Variants in FAM193B observed in about 807,000 individuals in gnomAD.
The protein encoded by FAM193B is family with sequence similarity 193 member B.
Under a neutral mutation model 70.7 loss-of-function variants are expected in FAM193B, and 27 were observed. The observed-to-expected ratio is 0.38, with a 90% CI of 0.28 to 0.53. The LOEUF (loss-of-function observed/expected upper bound fraction) is 0.53. Ranked by LOEUF, FAM193B falls within the 20% of genes least tolerant of loss-of-function variation. The pLI, the probability that FAM193B is intolerant of heterozygous loss-of-function variation, is 0.81. For synonymous variants in FAM193B, 448 were observed against 436.0 expected, an observed-to-expected ratio of 1.03 and a Z score of -0.34; for missense variants, 1,022 against 1,072.5, an observed-to-expected ratio of 0.95 and a Z score of 0.66.
chr5:177,532,199 G>A lies in FAM193B; in HGVS notation c.1275+244C>T. ...TCTCTCTGCCATTTCCTTTCCTTTT[G>A]CCTAAGGAAAAAAAGTCAATCTTAA... On this transcript the variant is annotated intron_variant, in intron 5 of 8. Coordinates refer to ENST00000514747, the MANE Select transcript of FAM193B (RefSeq NM_001190946.3). The surrounding 1 kb of genome is among the most constrained non-coding windows in gnomAD (Gnocchi z 4.9). 1 of 1,493,178 alleles carries A rather than the reference G, an allele frequency of 6.7e-7. No individual in the cohort carries two copies. Among genetic ancestry groups the A allele is most frequent in the Non-Finnish European group, 8.9e-7 (1 of 1,123,620 alleles). 92.5% of individuals were successfully genotyped at this position (1,493,178 alleles called of 1,614,324 possible).
At chr5:177,539,342 CAGAT>C in intron 1 of FAM193B, 195 bp from the exon 2 acceptor site, 1 of 668,074 alleles carries the variant, frequency 1.5e-6, no homozygotes, top group East Asian at 3.0e-5. Flanking sequence ...GATGAAGAAA[CAGAT>C]TTCAAGAAGT....
In FAM193B at chr5:177,532,400, T is replaced by G; in HGVS notation, c.1275+43A>C. On this transcript the variant is annotated intron_variant, in intron 5 of 8. Transcript: ENST00000514747. The surrounding 1 kb of genome is among the most constrained non-coding windows in gnomAD (Gnocchi z 4.9). The stretch of plus-strand genomic sequence containing the variant: ...AGCAGGGTGCTCCTTTTGCTCACCT[T>G]GGCTGGCCCCCAGCCCTCTCTAGCC... The G allele has an allele frequency of 1.9e-6, 3 of 1,576,462 alleles. No homozygotes were observed. Among genetic ancestry groups the G allele is most frequent in the Non-Finnish European group, 2.6e-6 (3 of 1,164,190 alleles).
At chr5:177,549,594 C>T (rs1434571678) in intron 1 of FAM193B, among the ~76,000 whole-genome samples, 1 of 152,210 alleles carries the variant, frequency 6.6e-6, no homozygotes, top group African/African-American at 2.4e-5. Flanking sequence ...CAGAGGAAGC[C>T]GATGCTATAT....
At chr5:177,549,187 C>T (rs1196573879) in intron 1 of FAM193B, among the ~76,000 whole-genome samples, 23 of 92,998 alleles carry the variant, frequency 2.5e-4, no homozygotes, top group South Asian at 3.7e-4. Context: ...ATTGTCTTTT[C>T]TTTTTTTTTT....
intron 1 of FAM193B, chr5:177,547,302 T>TTTTTTTTTTTG (rs58258777): frequency 1.4e-5 from 2 of 141,514 alleles, no homozygotes; most frequent in African/African-American, 2.6e-5. Flanking sequence ...TTTTTTTTTT[T>TTTTTTTTTTTG]GAGACGGAGT....
At chr5:177,553,485 T>C (rs1199312004) in intron 1 of FAM193B, 1 of 1,107,584 alleles carries the variant, frequency 9.0e-7, no homozygotes, top group Non-Finnish European at 1.1e-6. Flanking sequence ...TCAGTGAACT[T>C]TGGCAGGGTA....
intron 1 of FAM193B, among the ~76,000 whole-genome samples, chr5:177,550,207 T>C (rs1766019698): frequency 6.6e-6 from 1 of 152,152 alleles, no homozygotes; most frequent in South Asian, 2.1e-4. Flanking sequence ...CAAAGGTCTT[T>C]TGACATTTTT....
chr5:177,525,979 G>A (rs755987993), intron 5 of FAM193B, among the ~76,000 whole-genome samples: 10 of 152,188 alleles, frequency 6.6e-5, no homozygotes, highest in Admixed American at 2.0e-4. Flanking sequence ...GGAGACAGGC[G>A]GCAGATAAAA....
chr5:177,528,090 GA>G (rs1384095069), intron 5 of FAM193B, among the ~76,000 whole-genome samples: 2 of 152,222 alleles, frequency 1.3e-5, no homozygotes, highest in Non-Finnish European at 2.9e-5. Flanking sequence ...AAGGACGTCA[GA>G]GGGGCAGGCA....
rs770949456 is a variant in FAM193B at position 177,532,425 on chromosome 5, C to G, written c.1275+18G>C. On this transcript the variant is annotated intron_variant, in intron 5 of 8. Transcript: ENST00000514747. The surrounding 1 kb of genome is among the most constrained non-coding windows in gnomAD (Gnocchi z 4.9). ...TGGCTGGCCCCCAGCCCTCTCTAGC[C>G]TGGGCAGGCTCACTCACCGCATTGT... The G allele has an allele frequency of 6.9e-6, 11 of 1,603,560 alleles. No homozygotes were observed. The highest frequency in any genetic ancestry group is 8.5e-7 in the Non-Finnish European group (1 of 1,176,096).
chr5:177,527,897 G>T (rs1177172455), intron 5 of FAM193B, among the ~76,000 whole-genome samples: 1 of 152,214 alleles, frequency 6.6e-6, no homozygotes. Context: ...AACTTTGGAT[G>T]TGCAGAGTCT....
At chr5:177,529,130 A>G (rs935846449) in intron 5 of FAM193B, among the ~76,000 whole-genome samples, 1 of 152,006 alleles carries the variant, frequency 6.6e-6, no homozygotes, top group African/African-American at 2.4e-5. Flanking sequence ...GAGTGGCAGG[A>G]GGTCACAGAT....
intron 5 of FAM193B, chr5:177,531,703 G>T: frequency 1.6e-6 from 1 of 628,204 alleles, no homozygotes; most frequent in Non-Finnish European, 2.3e-6. Context: ...TGGGTGAAGG[G>T]ACTAGGAGGG....
rs919878547 is a variant in FAM193B at position 177,532,787 on chromosome 5, A to G, written c.1077-146T>C. The stretch of plus-strand genomic sequence containing the variant: ...GTGGTCCAACTACATTGCACCTCTC[A>G]CCTGAACAGGGCGAACACCTGCACT... On this transcript the variant is annotated intron_variant, in intron 4 of 8. Transcript: ENST00000514747. The surrounding 1 kb of genome is among the most constrained non-coding windows in gnomAD (Gnocchi z 4.9). 1 of 680,510 alleles carries G rather than the reference A, an allele frequency of 1.5e-6. No individual in the cohort carries two copies. Among genetic ancestry groups the G allele is most frequent in the Non-Finnish European group, 2.3e-6 (1 of 430,462 alleles). The allele number at this position is 680,510 out of a possible 1,614,324, so 42.2% of individuals were successfully genotyped here.
At chr5:177,539,403 G>GT in intron 1 of FAM193B, 2 of 431,408 alleles carry the variant, frequency 4.6e-6, no homozygotes, top group Non-Finnish European at 8.3e-6. Context: ...TTGAACCCTA[G>GT]TGAGTCTGGC....
chr5:177,530,370 GA>G (rs1480760526), intron 5 of FAM193B, among the ~76,000 whole-genome samples: 2 of 152,158 alleles, frequency 1.3e-5, no homozygotes, highest in Non-Finnish European at 2.9e-5. Context: ...CTGGCTCAGT[GA>G]AAGGCACCAC....
At chr5:177,547,446 G>A (rs891985430) in intron 1 of FAM193B, among the ~76,000 whole-genome samples, 39 of 150,492 alleles carry the variant, frequency 2.6e-4, no homozygotes, top group Non-Finnish European at 5.0e-4. Flanking sequence ...CACCATGCCC[G>A]GCTAATTTTT....
At chr5:177,540,694 G>A (rs1292760118) in intron 1 of FAM193B, among the ~76,000 whole-genome samples, 1 of 152,160 alleles carries the variant, frequency 6.6e-6, no homozygotes, top group Non-Finnish European at 1.5e-5. Flanking sequence ...AAACATGAGT[G>A]AGCCCAGCCG....
chr5:177,524,389 G>A lies in FAM193B; in HGVS notation c.2092C>T (p.Pro698Ser), dbSNP rs767095281. The change falls in exon 6 of 9, where the codon CCA becomes TCA. Residue 698 changes from proline to serine, a missense_variant. Transcript: ENST00000514747. ...EAGEGSRGSR[P>S]GPGWAGSPKT... is the part of the protein sequence containing the mutation. ...GGACTGCCAGCCCAACCTGGTCCTG[G>A]CCGGCTCCCCCGGCTCCCCTCTCCA... 1 of 1,573,824 alleles carries A rather than the reference G, an allele frequency of 6.4e-7. No individual in the cohort carries two copies. The highest frequency in any genetic ancestry group is 8.6e-7 in the Non-Finnish European group (1 of 1,160,588).
Sources: gnomAD v4.1 joint callset for allele counts (sites outside exome capture counted in the v4.1 genomes callset) on GRCh38, gnomAD v4.1.1 for gene constraint, Gnocchi (gnomAD v3.1) non-coding constraint, MANE v1.5 for transcripts, NCBI Gene and HGNC (gene_info 2026-07-23, HGNC 2026-07-21) for gene names.